Variants in KCNIP4 observed in about 807,000 individuals in gnomAD.
KCNIP4 encodes potassium voltage-gated channel interacting protein 4.
A neutral mutation model predicts 34.0 loss-of-function variants in KCNIP4; 12 were observed. That is an observed-to-expected ratio of 0.35 (90% CI 0.23 to 0.57). KCNIP4 has a LOEUF of 0.57. KCNIP4 is among the 20% of genes least tolerant of loss of function. The probability of loss-of-function intolerance (pLI) is 0.83; values close to 1 mark genes in which losing one functional copy is unlikely to be tolerated. For synonymous variants in KCNIP4, 124 were observed against 102.2 expected, an observed-to-expected ratio of 1.21 and a Z score of -1.29; for missense variants, 238 against 311.7, an observed-to-expected ratio of 0.76 and a Z score of 1.78.
chr4:21,672,915 G>C (rs1276218439), intron 1 of KCNIP4, among the ~76,000 whole-genome samples: 1 of 152,202 alleles, frequency 6.6e-6, no homozygotes, highest in Non-Finnish European at 1.5e-5. Context: ...GACTGTTGGC[G>C]GGAGGCCTCA....
chr4:20,924,924 C>T (rs1340580801), intron 1 of KCNIP4, among the ~76,000 whole-genome samples: 1 of 152,154 alleles, frequency 6.6e-6, no homozygotes, highest in Non-Finnish European at 1.5e-5. Context: ...GTTAGTAATG[C>T]CTGCTTCCCA....
intron 1 of KCNIP4, among the ~76,000 whole-genome samples, chr4:21,043,952 T>C (rs1325997189): frequency 6.6e-6 from 1 of 151,988 alleles, no homozygotes; most frequent in East Asian, 1.9e-4. Context: ...TACAGCAAAA[T>C]GCCATTGGTT....
At chr4:21,629,767 A>G (rs1745587722) in intron 1 of KCNIP4, among the ~76,000 whole-genome samples, 1 of 151,798 alleles carries the variant, frequency 6.6e-6, no homozygotes, top group Admixed American at 6.6e-5. Context: ...GGCACAGTGT[A>G]CGCTCTATTC....
At chr4:21,407,377 G>A (rs1387117596) in intron 1 of KCNIP4, among the ~76,000 whole-genome samples, 1 of 151,728 alleles carries the variant, frequency 6.6e-6, no homozygotes, top group Admixed American at 6.6e-5. Context: ...ATAATTGCTG[G>A]GCATTTCCTA....
intron 1 of KCNIP4, among the ~76,000 whole-genome samples, chr4:20,923,128 G>C (rs995209705): frequency 1.3e-4 from 20 of 152,052 alleles, no homozygotes; most frequent in Non-Finnish European, 1.3e-4. Flanking sequence ...TCATATTAAA[G>C]GCCAAGAATC....
At chr4:20,784,787 G>C (rs1711727343) in intron 3 of KCNIP4, among the ~76,000 whole-genome samples, 1 of 152,116 alleles carries the variant, frequency 6.6e-6, no homozygotes, top group South Asian at 2.1e-4. Context: ...GATGCATTCA[G>C]TGAATCATTA....
chr4:21,932,054 T>C (rs1439082134), intron 1 of KCNIP4, among the ~76,000 whole-genome samples: 1 of 152,060 alleles, frequency 6.6e-6, no homozygotes, highest in Non-Finnish European at 1.5e-5. Context: ...CCACACTGCA[T>C]GGATTCAAGA....
At chr4:21,684,211 C>G (rs951108682) in intron 1 of KCNIP4, among the ~76,000 whole-genome samples, 1 of 152,106 alleles carries the variant, frequency 6.6e-6, no homozygotes, top group African/African-American at 2.4e-5. Flanking sequence ...TAAAAGGAAG[C>G]AGCATGTACC....
At position 21,135,074 on chromosome 4, in the gene KCNIP4, G is replaced by A. The variant is rs1477468363; in HGVS notation, c.62-252365C>T. Among the ~76,000 whole-genome samples the A allele has an allele frequency of 2.6e-5, 4 of 152,210 alleles. No individual in the cohort carries two copies. In the East Asian group the frequency reaches 7.7e-4, roughly 29 times the overall value. On this transcript the variant is annotated intron_variant, in intron 1 of 8. Transcript: ENST00000382152. ...GGTAAACTCCGAGATCTTTTACAAT[G>A]AACCATTCAAAGACTGGGATCACTT... is the stretch of plus-strand genomic sequence containing the variant.
chr4:21,074,992 G>A (rs1194365300), intron 1 of KCNIP4, among the ~76,000 whole-genome samples: 2 of 152,146 alleles, frequency 1.3e-5, no homozygotes, highest in Non-Finnish European at 2.9e-5. Flanking sequence ...ATTGCACTGT[G>A]GTCTTAGAGA....
chr4:21,414,094 A>G (rs1724742092), intron 1 of KCNIP4, among the ~76,000 whole-genome samples: 1 of 152,178 alleles, frequency 6.6e-6, no homozygotes, highest in Admixed American at 6.5e-5. Context: ...TATAAACAAA[A>G]TCTATAAGTA....
At chr4:21,611,066 G>T (rs1744122116) in intron 1 of KCNIP4, among the ~76,000 whole-genome samples, 1 of 152,076 alleles carries the variant, frequency 6.6e-6, no homozygotes, top group Non-Finnish European at 1.5e-5. Context: ...AGAACATGTG[G>T]TGTTTGGTTT....
At chr4:21,514,837 T>C (rs201921536) in intron 1 of KCNIP4, among the ~76,000 whole-genome samples, 1 of 152,178 alleles carries the variant, frequency 6.6e-6, no homozygotes, top group Non-Finnish European at 1.5e-5. Flanking sequence ...AAGGAAAGCA[T>C]CACTATCTAA....
At chr4:20,996,038 G>A (rs1577504769) in intron 1 of KCNIP4, among the ~76,000 whole-genome samples, 1 of 152,172 alleles carries the variant, frequency 6.6e-6, no homozygotes, top group Admixed American at 6.5e-5. Context: ...TTGACCATGA[G>A]TGGCAGCTCA....
At chr4:21,492,310 C>T (rs763244767) in intron 1 of KCNIP4, among the ~76,000 whole-genome samples, 9 of 152,064 alleles carry the variant, frequency 5.9e-5, no homozygotes, top group South Asian at 2.1e-4. Flanking sequence ...TCTTGAACTC[C>T]GGGACTCAAG....
intron 1 of KCNIP4, among the ~76,000 whole-genome samples, chr4:21,876,687 A>G (rs750003281): frequency 1.3e-5 from 2 of 151,804 alleles, no homozygotes; most frequent in Non-Finnish European, 2.9e-5. Context: ...TTGAAAACAG[A>G]ATGTGCTGAA....
chr4:21,553,610 A>T (rs1738757170), intron 1 of KCNIP4, among the ~76,000 whole-genome samples: 1 of 151,882 alleles, frequency 6.6e-6, no homozygotes, highest in African/African-American at 2.4e-5. Flanking sequence ...TTCACATGTG[A>T]TCACAGGAGA....
At chr4:21,800,064 T>A (rs918832359) in intron 1 of KCNIP4, among the ~76,000 whole-genome samples, 5 of 152,170 alleles carry the variant, frequency 3.3e-5, no homozygotes, top group Non-Finnish European at 4.4e-5. Flanking sequence ...ACAGCACACA[T>A]CTTTGATAGC....
Position 20,781,834 on chromosome 4 carries a change from C to G in KCNIP4, c.289-22944G>C, listed in dbSNP as rs539201157. ...ACCAATCATGCCTTCCTAACAGTCCCCCAAAGTTTTAATTCATTTCAGAAT... is the reference window on the plus strand; with the variant it reads ...ACCAATCATGCCTTCCTAACAGTCCGCCAAAGTTTTAATTCATTTCAGAAT... On this transcript the variant is annotated intron_variant, in intron 3 of 8. Coordinates refer to ENST00000382152, the MANE Select transcript of KCNIP4 (RefSeq NM_025221.6). 1.3e-3 allele frequency among the ~76,000 whole-genome samples: 195 copies of G among 152,228 alleles called. 4 individuals carry two copies. In the South Asian group the frequency reaches 0.039, roughly 30 times the overall value.
Sources: allele counts gnomAD v4.1 joint callset (sites outside exome capture counted in the v4.1 genomes callset), GRCh38; gene constraint gnomAD v4.1.1; transcripts MANE v1.5; gene names NCBI Gene and HGNC (gene_info 2026-07-23, HGNC 2026-07-21).